TTC28: variants seen among roughly 807,000 people sequenced by gnomAD.
The protein encoded by TTC28 is tetratricopeptide repeat domain 28.
Under a neutral mutation model 198.0 loss-of-function variants are expected in TTC28, and 61 were observed. The ratio of observed to expected loss-of-function variants is 0.31; its 90% CI spans 0.25 to 0.38. TTC28 has a LOEUF of 0.38. Among genes scored for constraint, TTC28 ranks in the 10% least tolerant of loss-of-function variants. The probability of loss-of-function intolerance (pLI) is 1.00; values close to 1 mark genes in which losing one functional copy is unlikely to be tolerated. For missense variants in TTC28, 2,678 were observed against 3,164.0 expected, an observed-to-expected ratio of 0.85 and a Z score of 3.69; for synonymous variants, 1,171 against 1,297.8, an observed-to-expected ratio of 0.90 and a Z score of 2.10.
intron 15 of TTC28, 43 bp from the exon 16 acceptor site, chr22:27,999,303 C>T (rs1569076116): frequency 1.3e-6 from 2 of 1,505,880 alleles, no homozygotes; most frequent in Admixed American, 2.1e-5. Context: ...TCAGACAGAA[C>T]AGCCAGGCTG....
At chr22:28,191,001 A>G (rs1317485768) in intron 5 of TTC28, among the ~76,000 whole-genome samples, 1 of 152,144 alleles carries the variant, frequency 6.6e-6, no homozygotes, top group African/African-American at 2.4e-5. Context: ...AGTGCATATG[A>G]ATCTAACCCC....
At chr22:28,195,925 G>A (rs1043211696) in intron 5 of TTC28, among the ~76,000 whole-genome samples, 1 of 151,994 alleles carries the variant, frequency 6.6e-6, no homozygotes, top group South Asian at 2.1e-4. Context: ...TCACAGAACT[G>A]GAAAAAACTA....
intron 2 of TTC28, among the ~76,000 whole-genome samples, chr22:28,511,566 C>A (rs1480870393): frequency 6.6e-6 from 1 of 152,128 alleles, no homozygotes; most frequent in Non-Finnish European, 1.5e-5. Context: ...GGCACAGTGG[C>A]TCAAGCACTA....
chr22:28,677,583 G>T (rs1422914790), intron 1 of TTC28, among the ~76,000 whole-genome samples: 2 of 152,002 alleles, frequency 1.3e-5, no homozygotes. Flanking sequence ...AGGTTGCAGT[G>T]AGCGGAGATC....
chr22:28,331,228 C>T (rs931161243), intron 2 of TTC28, among the ~76,000 whole-genome samples: 10 of 152,132 alleles, frequency 6.6e-5, no homozygotes, highest in African/African-American at 1.9e-4. Flanking sequence ...AAGCTAAGAG[C>T]TTGTAAGTGT....
chr22:28,516,241 T>C (rs2048784367), intron 2 of TTC28, among the ~76,000 whole-genome samples: 1 of 152,152 alleles, frequency 6.6e-6, no homozygotes, highest in Non-Finnish European at 1.5e-5. Context: ...ACTAATATGG[T>C]AATGCTATGA....
intron 5 of TTC28, among the ~76,000 whole-genome samples, chr22:28,260,214 A>T (rs1386763402): frequency 6.6e-6 from 1 of 152,212 alleles, no homozygotes; most frequent in African/African-American, 2.4e-5. Context: ...TTTATGAAGC[A>T]GAAGTGGAAG....
At chr22:28,300,691 G>GA (rs1195201943) in intron 3 of TTC28, among the ~76,000 whole-genome samples, 2 of 152,088 alleles carry the variant, frequency 1.3e-5, no homozygotes, top group Non-Finnish European at 2.9e-5. Flanking sequence ...TTGATCTCTT[G>GA]AAAAAAGAGT....
At chr22:28,297,542 T>A (rs562045907) in intron 4 of TTC28, 38 bp downstream of exon 4, 3 of 1,532,142 alleles carry the variant, frequency 2.0e-6, no homozygotes, top group Non-Finnish European at 2.6e-6. Flanking sequence ...GCTTTCTTTG[T>A]TCCCTTTCTG....
chr22:28,676,054 T>C (rs1284826440), intron 1 of TTC28, among the ~76,000 whole-genome samples: 1 of 152,098 alleles, frequency 6.6e-6, no homozygotes, highest in Non-Finnish European at 1.5e-5. Flanking sequence ...CACTAAAATT[T>C]GTACACAAAT....
Position 28,306,647 on chromosome 22 carries a change from G to A in TTC28, c.382-4C>T. 1 of 1,551,212 alleles carries A rather than the reference G, an allele frequency of 6.4e-7. No homozygotes were observed. Among genetic ancestry groups the A allele is most frequent in the Non-Finnish European group, 8.7e-7 (1 of 1,146,944 alleles). ...CAACACCCTGTCGGAAGTATGCCTAGAAATAAAAGATATATAAGATATATA... is the reference window on the plus strand; with the variant it reads ...CAACACCCTGTCGGAAGTATGCCTAAAAATAAAAGATATATAAGATATATA... On this transcript the variant is annotated splice_region_variant and splice_polypyrimidine_tract_variant and intron_variant, in intron 2 of 22. Coordinates refer to ENST00000397906, the MANE Select transcript of TTC28 (RefSeq NM_001145418.2).
At chr22:28,155,183 T>C (rs1943724370) in intron 6 of TTC28, among the ~76,000 whole-genome samples, 2 of 152,224 alleles carry the variant, frequency 1.3e-5, no homozygotes, top group South Asian at 4.1e-4. Context: ...GTGAAAGAAA[T>C]ACATACCAGG....
At chr22:28,676,264 C>A (rs2051988299) in intron 1 of TTC28, among the ~76,000 whole-genome samples, 1 of 152,116 alleles carries the variant, frequency 6.6e-6, no homozygotes, top group Non-Finnish European at 1.5e-5. Context: ...TCACAAAAGA[C>A]CATATGTAGT....
chr22:28,597,817 G>T (rs188208022), intron 2 of TTC28, among the ~76,000 whole-genome samples: 1 of 151,936 alleles, frequency 6.6e-6, no homozygotes, highest in Non-Finnish European at 1.5e-5. Context: ...GGAGGGAGAG[G>T]GTTTTGCTCT....
chr22:28,649,704 G>A (rs1178681825), intron 1 of TTC28, among the ~76,000 whole-genome samples: 1 of 152,112 alleles, frequency 6.6e-6, no homozygotes, highest in Non-Finnish European at 1.5e-5. Context: ...CTTCTTTTAA[G>A]GCTAATGGAG....
Position 28,105,769 on chromosome 22 carries a change from G to A in TTC28, c.2817C>T (p.Cys939=), listed in dbSNP as rs1200808976. The A allele has an allele frequency of 6.4e-7, 1 of 1,551,476 alleles. No individual in the cohort carries two copies. Among genetic ancestry groups the A allele is most frequent in the Admixed American group, 2.0e-5 (1 of 50,984 alleles). The change falls in exon 8 of 23, where the codon TGC becomes TGT. Residue 939 remains cysteine (C), a synonymous_variant. Coordinates refer to ENST00000397906, the MANE Select transcript of TTC28 (RefSeq NM_001145418.2). ...AMGSLQQALV[C]FEKRLVVAHE... is the part of the protein sequence containing the mutation. ...GAGCAACCACGAGCCTCTTTTCAAA[G>A]CACACAAGGGCTTGCTGCAAGCTCC...
intron 2 of TTC28, among the ~76,000 whole-genome samples, chr22:28,340,313 G>T (rs895161413): frequency 1.3e-5 from 2 of 151,892 alleles, no homozygotes; most frequent in African/African-American, 4.8e-5. Context: ...GATCTTCTTT[G>T]CCTTTAATTA....
intron 2 of TTC28, among the ~76,000 whole-genome samples, chr22:28,502,688 T>C (rs906698140): frequency 1.1e-4 from 16 of 151,738 alleles, no homozygotes; most frequent in African/African-American, 3.9e-4. Context: ...GGCAGCATCC[T>C]GAAGTCCTTC....
intron 2 of TTC28, among the ~76,000 whole-genome samples, chr22:28,480,208 T>C (rs1237603589): frequency 6.6e-6 from 1 of 152,190 alleles, no homozygotes; most frequent in Non-Finnish European, 1.5e-5. Context: ...CTAAAAGCAT[T>C]TGTTTAATGA....
Sources: gnomAD v4.1 joint callset for allele counts (sites outside exome capture counted in the v4.1 genomes callset) on GRCh38, gnomAD v4.1.1 for gene constraint, MANE v1.5 for transcripts, NCBI Gene and HGNC (gene_info 2026-07-23, HGNC 2026-07-21) for gene names.